Variants in CYP19A1 observed in about 807,000 individuals in gnomAD.
CYP19A1 encodes the protein aromatase.
CYP19A1 carries 32 observed loss-of-function variants against 44.4 expected under a neutral mutation model. That is an observed-to-expected ratio of 0.72 (90% confidence interval 0.54 to 0.97). The LOEUF (loss-of-function observed/expected upper bound fraction) is 0.97, where lower values mean the gene tolerates loss of function less well. Among genes scored for constraint, CYP19A1 ranks in the 50% least tolerant of loss-of-function variants. The pLI is 0.00. For missense variants in CYP19A1, 598 were observed against 637.8 expected (o/e 0.94, Z 0.67); for synonymous variants, 212 against 215.6 (o/e 0.98, Z 0.14).
intron 1 of CYP19A1, among the ~76,000 whole-genome samples, chr15:51,320,779 A>G (rs1249151078): frequency 6.6e-6 from 1 of 152,240 alleles, no homozygotes; most frequent in Non-Finnish European, 1.5e-5. Flanking sequence ...ATTGTGTAAC[A>G]CACATATTAA....
At chr15:51,270,763 C>G (rs1368411632) in intron 1 of CYP19A1, among the ~76,000 whole-genome samples, 1 of 152,176 alleles carries the variant, frequency 6.6e-6, no homozygotes, top group Admixed American at 6.5e-5. Context: ...AGAGTTCATG[C>G]TCTTTCCTCC....
intron 1 of CYP19A1, among the ~76,000 whole-genome samples, chr15:51,294,645 C>G (rs1470628014): frequency 7.4e-6 from 1 of 134,890 alleles, no homozygotes; most frequent in Non-Finnish European, 1.6e-5. Flanking sequence ...GGGTCAGCCC[C>G]CCGCCCGGCC....
At position 51,208,131 on chromosome 15, in the gene CYP19A1, A is replaced by G. The variant is rs2141023872; in HGVS notation, c.*2677T>C. ...GATTCAGTCCCAGAGCCCAGCTGAT[A>G]TAGATTGAAAAGGGTCCCTCTATCC... On this transcript the variant is annotated 3_prime_UTR_variant, in exon 10 of 10. Coordinates refer to ENST00000396402, the MANE Select transcript of CYP19A1 (RefSeq NM_000103.4). The G allele has an allele frequency of 6.6e-6, 1 of 152,336 alleles. No homozygotes were observed. The highest frequency in any genetic ancestry group is 2.1e-4 in the South Asian group (1 of 4,830). 9.4% of individuals were successfully genotyped at this position (152,336 alleles called of 1,614,324 possible).
At chr15:51,222,570 C>T (rs2032207158) in intron 4 of CYP19A1, 45 bp from the exon 5 acceptor site, 1 of 1,520,112 alleles carries the variant, frequency 6.6e-7, no homozygotes, top group Admixed American at 1.7e-5. Context: ...AACTCCAGGG[C>T]ACACACACAA....
At chr15:51,284,668 T>C (rs1455030438) in intron 1 of CYP19A1, among the ~76,000 whole-genome samples, 2 of 152,200 alleles carry the variant, frequency 1.3e-5, no homozygotes, top group Non-Finnish European at 2.9e-5. Context: ...AACATTAAAA[T>C]TTTTAAATTT....
chr15:51,247,913 T>A (rs1386541090), intron 1 of CYP19A1, among the ~76,000 whole-genome samples: 2 of 152,214 alleles, frequency 1.3e-5, no homozygotes, highest in African/African-American at 4.8e-5. Context: ...TGTATTTTTT[T>A]AATCTTCTGG....
At chr15:51,240,954 G>A (rs1214665875) in intron 2 of CYP19A1, among the ~76,000 whole-genome samples, 1 of 152,214 alleles carries the variant, frequency 6.6e-6, no homozygotes, top group African/African-American at 2.4e-5. Context: ...TCAAATGAAG[G>A]AGTTAGGCTC....
intron 1 of CYP19A1, among the ~76,000 whole-genome samples, chr15:51,299,769 C>G (rs139386989): frequency 6.6e-6 from 1 of 152,212 alleles, no homozygotes; most frequent in Non-Finnish European, 1.5e-5. Flanking sequence ...TGTTCACAGC[C>G]CAGCAGGGGA....
chr15:51,273,779 G>A (rs1276631719), intron 1 of CYP19A1, among the ~76,000 whole-genome samples: 1 of 152,204 alleles, frequency 6.6e-6, no homozygotes, highest in African/African-American at 2.4e-5. Flanking sequence ...GCCAAGGTGG[G>A]TGGATCACCT....
intron 1 of CYP19A1, among the ~76,000 whole-genome samples, chr15:51,260,834 C>T (rs568773981): frequency 2.0e-5 from 3 of 152,324 alleles, no homozygotes; most frequent in East Asian, 3.9e-4. Context: ...CCCAGGCATT[C>T]GAGCCAGGTG....
chr15:51,294,310 C>A (rs1311379179), intron 1 of CYP19A1, among the ~76,000 whole-genome samples: 1 of 146,024 alleles, frequency 6.8e-6, no homozygotes, highest in East Asian at 2.1e-4. Context: ...ATGTGGGGAG[C>A]GCCTCTGCCC....
intron 1 of CYP19A1, among the ~76,000 whole-genome samples, chr15:51,274,242 G>C (rs1215301403): frequency 1.3e-5 from 2 of 152,140 alleles, no homozygotes; most frequent in Non-Finnish European, 2.9e-5. Context: ...GGGAAGTAGA[G>C]GCATGAAGAT....
At chr15:51,335,160 G>A (rs971946556) in intron 1 of CYP19A1, among the ~76,000 whole-genome samples, 20 of 151,988 alleles carry the variant, frequency 1.3e-4, no homozygotes, top group African/African-American at 3.9e-4. Context: ...CTAGAAAGGT[G>A]GAGTGGGGTG....
At chr15:51,233,002 T>A (rs772595777) in intron 3 of CYP19A1, among the ~76,000 whole-genome samples, 5 of 152,370 alleles carry the variant, frequency 3.3e-5, no homozygotes, top group Non-Finnish European at 7.3e-5. Context: ...ATTCTTCCAC[T>A]CAGGTTCTTG....
Position 51,255,458 on chromosome 15 carries a change from G to T in CYP19A1, c.-38-12508C>A, listed in dbSNP as rs28570586. ...AAAAACCCAGTTAAAGTAATTAAAA[G>T]GAATCTTTACTCAACAGAATATTTG... On this transcript the variant is annotated intron_variant, in intron 1 of 9. Coordinates refer to ENST00000396402, the MANE Select transcript of CYP19A1 (RefSeq NM_000103.4). 159 of 152,292 alleles carry T rather than the reference G, an allele frequency of 1.0e-3. 1 individual carries two copies. The highest frequency in any genetic ancestry group is 3.7e-3 in the African/African-American group (154 of 41,570). The allele number at this position is 152,292 out of a possible 1,614,324, so 9.4% of individuals were successfully genotyped here. A position where few individuals can be genotyped will look rare whatever the true frequency, so the allele number is the denominator to read the frequency against.
At chr15:51,223,111 T>C (rs1325220152) in intron 4 of CYP19A1, among the ~76,000 whole-genome samples, 2 of 152,218 alleles carry the variant, frequency 1.3e-5, no homozygotes, top group Non-Finnish European at 2.9e-5. Context: ...ACTCAGCCAA[T>C]GGCATGACAG....
intron 1 of CYP19A1, among the ~76,000 whole-genome samples, chr15:51,261,379 A>G (rs1271403781): frequency 6.6e-6 from 1 of 152,206 alleles, no homozygotes; most frequent in East Asian, 1.9e-4. Flanking sequence ...TAACAGAAGG[A>G]GCAGGCCAAT....
rs150414414 is a variant in CYP19A1, at chr15:51,319,798, G to A, written c.-39+18697C>T. Among the ~76,000 whole-genome samples the A allele has an allele frequency of 6.7e-3, 1,020 of 152,332 alleles. 13 individuals carry two copies. The highest frequency in any genetic ancestry group is 0.024 in the African/African-American group (979 of 41,578). ...TGGACAGCAAAAGACAGTGGCAGAC[G>A]TCAGGCTGGGCTCCAGATCCAGCTC... is the stretch of plus-strand genomic sequence containing the variant. On this transcript the variant is annotated intron_variant, in intron 1 of 9. Coordinates refer to ENST00000396402, the MANE Select transcript of CYP19A1 (RefSeq NM_000103.4).
chr15:51,239,599 T>C lies in CYP19A1; in HGVS notation c.146-2590A>G, dbSNP rs577759314. On this transcript the variant is annotated intron_variant, in intron 2 of 9. Transcript: ENST00000396402. ...TTTAAAACAAGGCAAAATTAACCTG[T>C]ATTCTCTGGGATGTGAAATTATGTG... Among the ~76,000 whole-genome samples, 7 of 151,984 alleles carry C rather than the reference T, an allele frequency of 4.6e-5. No individual in the cohort carries two copies. In the South Asian group the frequency reaches 8.3e-4, roughly 18 times the overall value.
Sources: gnomAD v4.1 joint callset for allele counts (sites outside exome capture counted in the v4.1 genomes callset) on GRCh38, gnomAD v4.1.1 for gene constraint, MANE v1.5 for transcripts, NCBI Gene and HGNC (gene_info 2026-07-23, HGNC 2026-07-21) for gene names.